MAP4: variants seen among roughly 807,000 people sequenced by gnomAD.
The protein encoded by MAP4 is microtubule associated protein 4.
MAP4 carries 76 observed loss-of-function variants against 170.2 expected under a neutral mutation model. The observed-to-expected ratio is 0.45, with a 90% confidence interval of 0.37 to 0.54. The LOEUF is 0.54. MAP4 is among the 20% of genes least tolerant of loss of function. MAP4 has a pLI of 0.00. For missense variants in MAP4, 2,506 were observed against 2,748.0 expected (o/e 0.91, Z 1.97); for synonymous variants, 909 against 994.5 (o/e 0.91, Z 1.62).
At chr3:47,951,137 A>G (rs945144298) in intron 3 of MAP4, among the ~76,000 whole-genome samples, 5 of 152,186 alleles carry the variant, frequency 3.3e-5, no homozygotes, top group African/African-American at 1.2e-4. Context: ...TTTTGACTCT[A>G]AAGATTGTTG....
chr3:47,934,679 A>G (rs1330253560), intron 3 of MAP4, among the ~76,000 whole-genome samples: 1 of 152,118 alleles, frequency 6.6e-6, no homozygotes, highest in Middle Eastern at 3.2e-3. Context: ...CTTCTATTTC[A>G]CACCCTCAGC....
chr3:47,942,904 A>G (rs889322773), intron 3 of MAP4, among the ~76,000 whole-genome samples: 1 of 152,168 alleles, frequency 6.6e-6, no homozygotes, highest in African/African-American at 2.4e-5. Flanking sequence ...GAGCCCAGGC[A>G]TTGGAGACCA....
At chr3:47,854,215 C>T (rs17290714) in intron 19 of MAP4, among the ~76,000 whole-genome samples, 4,136 of 152,298 alleles carry the variant, frequency 0.027, 84 homozygotes, top group Non-Finnish European at 0.041. Flanking sequence ...TCCTGGTCCA[C>T]GCTCGCTCGC....
chr3:47,902,935 AAG>A lies in MAP4; in HGVS notation c.5434+13_5434+14del. On this transcript the variant is annotated intron_variant, in intron 10 of 20. Coordinates refer to ENST00000683076, the MANE Select transcript of MAP4 (RefSeq NM_001385682.1). The stretch of plus-strand genomic sequence containing the variant: ...TATAAATTACTTCAAGTTTCACACC[AAG>A]AGAGTTTCTCACCATAAACTGACAT... 6.1e-6 allele frequency: 6 copies of A among 982,920 alleles called. No homozygotes were observed. The highest frequency in any genetic ancestry group is 6.0e-6 in the Non-Finnish European group (5 of 827,670). 60.9% of individuals were successfully genotyped at this position (982,920 alleles called of 1,614,324 possible).
rs1331509448 is a variant in MAP4 at position 47,909,342 on chromosome 3, C to G, written c.5079G>C (p.Gln1693His). Residue 1693 changes from glutamine (Q) to histidine (H), a missense_variant, in exon 9 of 21, where the codon CAG becomes CAC. Coordinates refer to ENST00000683076, the MANE Select transcript of MAP4 (RefSeq NM_001385682.1). ...CGACTTTGCTATGTAAGAAATCTGA[C>G]TGGATTTCTGGTGTTGGCAAGGAAA... ...ESVSLPTPEI[Q>H]SDFLHSKVEA... 1 of 1,613,754 alleles carries G rather than the reference C, an allele frequency of 6.2e-7. No homozygotes were observed. The highest frequency in any genetic ancestry group is 1.3e-5 in the African/African-American group (1 of 74,922).
Position 48,081,754 on chromosome 3 carries a change from CCT to C in MAP4, c.-20+7017_-20+7018del, listed in dbSNP as rs201827368. Among the ~76,000 whole-genome samples, 1,045 of 152,086 alleles carry C rather than the reference CCT, an allele frequency of 6.9e-3. 3 individuals are homozygous for C. The highest frequency in any genetic ancestry group is 9.9e-3 in the Non-Finnish European group (675 of 67,988). Reference sequence around the variant, plus strand: ...TATATATATTACTTCCTAACTATCCCCTGAGAGGGCCTAGAAGCAGTGATACC... The same window carrying C: ...TATATATATTACTTCCTAACTATCCCGAGAGGGCCTAGAAGCAGTGATACC... On this transcript the variant is annotated intron_variant, in intron 1 of 18. Transcript: ENST00000360240.
At chr3:47,926,521 ATCTGTCTG>A (rs756674083) in intron 4 of MAP4, among the ~76,000 whole-genome samples, 1 of 151,672 alleles carries the variant, frequency 6.6e-6, no homozygotes, top group African/African-American at 2.4e-5. Context: ...TACTCTACCT[ATCTGTCTG>A]TCTGTCTGTC....
chr3:47,944,166 T>TAAAAATACA (rs2100058253), intron 3 of MAP4, among the ~76,000 whole-genome samples: 1 of 151,618 alleles, frequency 6.6e-6, no homozygotes, highest in Admixed American at 6.6e-5. Flanking sequence ...AAAAATTAGC[T>TAAAAATACA]GGGTGTGGTG....
At chr3:47,896,442 T>C (rs927283955) in intron 10 of MAP4, among the ~76,000 whole-genome samples, 1 of 152,112 alleles carries the variant, frequency 6.6e-6, no homozygotes, top group Non-Finnish European at 1.5e-5. Context: ...GGCAGGAGAA[T>C]CGCTTGAACC....
intron 1 of MAP4, among the ~76,000 whole-genome samples, chr3:48,024,863 C>A (rs1004738024): frequency 2.6e-5 from 4 of 151,960 alleles, no homozygotes; most frequent in African/African-American, 7.3e-5. Context: ...GGGACTTTTA[C>A]AAAGTAAAAG....
chr3:48,084,796 C>T (rs75072069), intron 1 of MAP4, among the ~76,000 whole-genome samples: 3,225 of 116,250 alleles, frequency 0.028, 69 homozygotes, highest in Admixed American at 0.045. Context: ...ATCTGGGGAC[C>T]GACTAAGTTG....
Position 47,969,440 on chromosome 3 carries a change from T to A in MAP4, c.292+8425A>T, listed in dbSNP as rs115907795. Among the ~76,000 whole-genome samples, 608 of 151,202 alleles carry A rather than the reference T, an allele frequency of 4.0e-3. 7 individuals are homozygous for A. The highest frequency in any genetic ancestry group is 0.014 in the African/African-American group (589 of 41,178). ...CGGGGAGAGAAAAAAAAAAAAGGAT[T>A]AGTACCATAATAGATGGAGTTCCTT... On this transcript the variant is annotated intron_variant, in intron 3 of 20. Transcript: ENST00000683076.
chr3:47,858,906 A>G (rs1237128196), intron 17 of MAP4, among the ~76,000 whole-genome samples: 5 of 152,130 alleles, frequency 3.3e-5, no homozygotes, highest in African/African-American at 7.2e-5. Flanking sequence ...AGGCGGGCGG[A>G]TCACGAGGTC....
chr3:47,912,150 C>A lies in MAP4; in HGVS notation c.2271G>T (p.Glu757Asp), dbSNP rs2100036265. The change falls in exon 9 of 21, where the codon GAG (glutamate) becomes GAT (aspartate). Residue 757 changes from glutamate (E) to aspartate (D), a missense_variant. By Grantham distance (45) the Glu-to-Asp change is conservative. This residue lies in a region of MAP4 where 2,008 missense variants were observed against 2,206.0 expected (regional missense o/e 0.91). Transcript: ENST00000683076. ...SLEPQRDLGR[E>D]AWDIESTPIM... Reference sequence around the variant, plus strand: ...TTGGTGTGCTTTCTATATCCCAGGCCTCCCTGCCAAGATCCCTCTGGGGTT... The same window carrying A: ...TTGGTGTGCTTTCTATATCCCAGGCATCCCTGCCAAGATCCCTCTGGGGTT... The A allele has an allele frequency of 1.3e-5, 20 of 1,536,136 alleles. No individual in the cohort carries two copies. Among genetic ancestry groups the A allele is most frequent in the Non-Finnish European group, 1.7e-5 (19 of 1,146,914 alleles).
intron 1 of MAP4, among the ~76,000 whole-genome samples, chr3:48,041,960 C>T (rs1461498931): frequency 1.3e-5 from 2 of 152,210 alleles, no homozygotes; most frequent in Non-Finnish European, 2.9e-5. Context: ...AGGAGAGATG[C>T]TCCTGCTCTC....
rs1464970088 is a variant in MAP4, at chr3:47,852,838, T to G, written c.*96A>C. ...GGGGCCAAGGACCCGGGAGCCCGAGTTGGGGCCGCCAGGGAAGTGTGGGGG... is the reference window on the plus strand; with the variant it reads ...GGGGCCAAGGACCCGGGAGCCCGAGGTGGGGCCGCCAGGGAAGTGTGGGGG... On this transcript the variant is annotated 3_prime_UTR_variant, in exon 21 of 21. Coordinates refer to ENST00000683076, the MANE Select transcript of MAP4 (RefSeq NM_001385682.1). 6.4e-7 allele frequency: 1 copy of G among 1,554,870 alleles called. No individual in the cohort carries two copies. The highest frequency in any genetic ancestry group is 8.7e-7 in the Non-Finnish European group (1 of 1,149,134).
intron 6 of MAP4, among the ~76,000 whole-genome samples, chr3:47,917,696 A>C (rs2100040537): frequency 6.6e-6 from 1 of 152,154 alleles, no homozygotes; most frequent in African/African-American, 2.4e-5. Context: ...TGGGAGGACA[A>C]GTAGTGGAGG....
intron 1 of MAP4, among the ~76,000 whole-genome samples, chr3:48,004,261 C>T (rs541826647): frequency 1.3e-5 from 2 of 152,226 alleles, no homozygotes; most frequent in East Asian, 1.9e-4. Flanking sequence ...GAGGACTCTA[C>T]TTCTAATAGC....
chr3:48,028,673 T>G (rs1365231026), intron 1 of MAP4, among the ~76,000 whole-genome samples: 1 of 150,780 alleles, frequency 6.6e-6, no homozygotes, highest in Non-Finnish European at 1.5e-5. Context: ...CTCAGGAGGC[T>G]GAGGCAGAGA....
Sources: allele counts gnomAD v4.1 joint callset (sites outside exome capture counted in the v4.1 genomes callset), GRCh38; gene constraint gnomAD v4.1.1; regional missense constraint gnomAD v4.1.1; transcripts MANE v1.5; gene names NCBI Gene and HGNC (gene_info 2026-07-23, HGNC 2026-07-21).